The following ABCA8 variants were observed in gnomAD, a reference collection of about 807,000 sequenced individuals.
ABCA8 encodes ATP binding cassette subfamily A member 8.
Under a neutral mutation model 192.3 loss-of-function variants are expected in ABCA8, and 177 were observed. The observed-to-expected ratio is 0.92, with a 90% CI of 0.81 to 1.04. The LOEUF (loss-of-function observed/expected upper bound fraction) is 1.04. Among genes scored for constraint, ABCA8 ranks in the 50% least tolerant of loss-of-function variants. The pLI, the probability that ABCA8 is intolerant of heterozygous loss-of-function variation, is 0.00. For missense variants in ABCA8, 1,915 were observed against 1,904.8 expected (o/e 1.01, Z -0.10); for synonymous variants, 642 against 690.2 (o/e 0.93, Z 1.09).
At chr17:68,881,840 A>G in intron 31 of ABCA8, 23 bp downstream of exon 31, 1 of 1,567,678 alleles carries the variant, frequency 6.4e-7, no homozygotes, top group Non-Finnish European at 8.8e-7. Context: ...CTGAGCCAGA[A>G]GTGGAAGATC....
At chr17:68,885,412 A>G in intron 26 of ABCA8, 97 bp from the exon 27 acceptor site, 1 of 1,244,114 alleles carries the variant, frequency 8.0e-7, no homozygotes, top group Non-Finnish European at 1.1e-6. Context: ...TTTCAACTCC[A>G]ATCTTGCAAA....
rs1426855699 is a variant in ABCA8, at chr17:68,867,760, A to C, written c.*325T>G. 5.8e-6 allele frequency: 1 copy of C among 172,910 alleles called. No individual in the cohort carries two copies. Among genetic ancestry groups the C allele is most frequent in the African/African-American group, 2.4e-5 (1 of 42,430 alleles). 10.7% of individuals were successfully genotyped at this position (172,910 alleles called of 1,614,324 possible). A position where few individuals can be genotyped will look rare whatever the true frequency, so the allele number is the denominator to read the frequency against. On this transcript the variant is annotated 3_prime_UTR_variant, in exon 40 of 40. Transcript: ENST00000586539. ...AAAAAGTGTTTTAAGATTTTTATTA[A>C]AAAAATTTAAACAAAATTTGTTTAT...
chr17:68,868,375 G>A lies in ABCA8; in HGVS notation c.4712-19C>T. 2 of 1,592,704 alleles carry A rather than the reference G, an allele frequency of 1.3e-6. No homozygotes were observed. The highest frequency in any genetic ancestry group is 1.7e-6 in the Non-Finnish European group (2 of 1,160,940). ...TGTTTAACTGCATAGGGATGAACAT[G>A]TATTAGTTCATATATTTCATATCTA... On this transcript the variant is annotated intron_variant, in intron 38 of 39. Coordinates refer to ENST00000586539, the MANE Select transcript of ABCA8 (RefSeq NM_001288985.2).
At chr17:68,910,879 G>T (rs966522827) in intron 17 of ABCA8, among the ~76,000 whole-genome samples, 2 of 152,134 alleles carry the variant, frequency 1.3e-5, no homozygotes, top group African/African-American at 4.8e-5. Context: ...CCCAGTTCTG[G>T]CAGAATTCAT....
intron 1 of ABCA8, among the ~76,000 whole-genome samples, chr17:68,950,672 C>A (rs1302760254): frequency 6.6e-6 from 1 of 152,148 alleles, no homozygotes; most frequent in Non-Finnish European, 1.5e-5. Context: ...TATCCTCTTA[C>A]TTTTCACGGT....
chr17:68,876,446 G>A lies in ABCA8; in HGVS notation c.4370+14C>T. 6.2e-7 allele frequency: 1 copy of A among 1,613,886 alleles called. No homozygotes were observed. Among genetic ancestry groups the A allele is most frequent in the Non-Finnish European group, 8.5e-7 (1 of 1,179,842 alleles). ...GTCATCCGTGCTGTCCCTGACCGTGGTAATGTTCCTCACCACATTTGCTGC... is the reference window on the plus strand; with the variant it reads ...GTCATCCGTGCTGTCCCTGACCGTGATAATGTTCCTCACCACATTTGCTGC... On this transcript the variant is annotated intron_variant, in intron 35 of 39. Transcript: ENST00000586539.
intron 19 of ABCA8, 90 bp from the exon 20 acceptor site, chr17:68,903,589 C>A: frequency 8.4e-7 from 1 of 1,189,928 alleles, no homozygotes; most frequent in Non-Finnish European, 1.2e-6. Context: ...TTAGACTCTT[C>A]CGCGTTACTA....
At chr17:68,887,242 CCA>C in intron 25 of ABCA8, 92 bp downstream of exon 25, 1 of 1,336,512 alleles carries the variant, frequency 7.5e-7, no homozygotes, top group South Asian at 1.5e-5. Flanking sequence ...TAATTTATGA[CCA>C]TATAAATATT....
intron 29 of ABCA8, among the ~76,000 whole-genome samples, 186 bp from the exon 30 acceptor site, chr17:68,882,905 A>G (rs2066369854): frequency 6.6e-6 from 1 of 152,180 alleles, no homozygotes; most frequent in Non-Finnish European, 1.5e-5. Flanking sequence ...TTTTTTCAAT[A>G]TCAACTTGAA....
intron 21 of ABCA8, among the ~76,000 whole-genome samples, chr17:68,897,808 C>A (rs973649848): frequency 2.0e-5 from 3 of 151,750 alleles, no homozygotes; most frequent in African/African-American, 7.3e-5. Flanking sequence ...GATTATGCAA[C>A]CTGAAGAACA....
At chr17:68,906,017 A>G (rs200451529) in intron 19 of ABCA8, 27 bp downstream of exon 19, 3 of 1,537,982 alleles carry the variant, frequency 2.0e-6, no homozygotes, top group East Asian at 2.3e-5. Context: ...GTGCTTTTAC[A>G]TAATAATTTT....
chr17:68,929,340 A>G (rs1277453783), intron 8 of ABCA8, 106 bp from the exon 9 acceptor site: 14 of 1,097,978 alleles, frequency 1.3e-5, no homozygotes, highest in Admixed American at 2.8e-5. Flanking sequence ...TAACAGTTGT[A>G]TATTATAGTT....
intron 29 of ABCA8, among the ~76,000 whole-genome samples, chr17:68,883,087 C>A (rs1450928166): frequency 6.6e-6 from 1 of 152,166 alleles, no homozygotes; most frequent in Non-Finnish European, 1.5e-5. Flanking sequence ...CTTGATCTCT[C>A]ATTTCTTCAG....
rs984382433 is a variant in ABCA8, at chr17:68,920,444, C to CA, written c.1612+937dup. Among the ~76,000 whole-genome samples the CA allele has an allele frequency of 6.9e-3, 824 of 119,136 alleles. 6 individuals carry two copies. The highest frequency in any genetic ancestry group is 8.3e-3 in the Middle Eastern group (2 of 242). 78.2% of individuals were successfully genotyped at this position (119,136 alleles called of 152,430 possible). Reference sequence around the variant, plus strand: ...AAAAAATAAATACCTTATTGCTTAACAAAAAAAAAAAGAGTTGACAGATAG... The same window carrying CA: ...AAAAAATAAATACCTTATTGCTTAACAAAAAAAAAAAAGAGTTGACAGATAG... On this transcript the variant is annotated intron_variant, in intron 13 of 39. Coordinates refer to ENST00000586539, the MANE Select transcript of ABCA8 (RefSeq NM_001288985.2).
At chr17:68,877,470 TCCTC>T in intron 33 of ABCA8, 45 bp downstream of exon 33, 1 of 1,513,318 alleles carries the variant, frequency 6.6e-7, no homozygotes, top group East Asian at 2.4e-5. Context: ...ACTCTCAACC[TCCTC>T]CACCCCTCCC....
At chr17:68,894,833 T>C (rs1376357490) in intron 22 of ABCA8, 47 bp downstream of exon 22, 1 of 1,567,700 alleles carries the variant, frequency 6.4e-7, no homozygotes, top group Admixed American at 1.9e-5. Context: ...ATTGATATTA[T>C]GTTAGCTTTT....
intron 1 of ABCA8, among the ~76,000 whole-genome samples, chr17:68,953,955 T>C (rs956957496): frequency 2.0e-5 from 3 of 152,084 alleles, no homozygotes; most frequent in African/African-American, 7.2e-5. Flanking sequence ...TGAGCTAGCC[T>C]ACAGAGAGGG....
chr17:68,921,859 G>A (rs1345128644), intron 12 of ABCA8, among the ~76,000 whole-genome samples: 1 of 151,860 alleles, frequency 6.6e-6, no homozygotes, highest in East Asian at 1.9e-4. Flanking sequence ...TTTGAGGTAA[G>A]TGACATTTTC....
chr17:68,881,799 C>T, intron 31 of ABCA8, 64 bp downstream of exon 31: 5 of 1,165,610 alleles, frequency 4.3e-6, no homozygotes, highest in Non-Finnish European at 6.4e-6. Context: ...GAATAATGCT[C>T]ATTAGGAACC....
Sources: allele counts gnomAD v4.1 joint callset (sites outside exome capture counted in the v4.1 genomes callset), GRCh38; gene constraint gnomAD v4.1.1; transcripts MANE v1.5; gene names NCBI Gene and HGNC (gene_info 2026-07-23, HGNC 2026-07-21).